LTBP4: variants seen among roughly 807,000 people sequenced by gnomAD.
LTBP4 encodes the protein latent transforming growth factor beta binding protein 4.
LTBP4 carries 93 observed loss-of-function variants against 180.2 expected under a neutral mutation model. The observed-to-expected ratio is 0.52, with a 90% CI of 0.44 to 0.61. The LOEUF is 0.61. LTBP4 is among the 20% of genes least tolerant of loss of function. LTBP4 has a pLI of 0.00. For missense variants in LTBP4, 2,116 were observed against 2,256.5 expected, an observed-to-expected ratio of 0.94 and a Z score of 1.26; for synonymous variants, 947 against 934.5, an observed-to-expected ratio of 1.01 and a Z score of -0.24.
In LTBP4 at chr19:40,625,297, TATATATATATATATATATA is replaced by T. The variant is rs1568414542; in HGVS notation, c.3833-559_3833-541del. Among the ~76,000 whole-genome samples, 37 of 20,534 alleles carry T rather than the reference TATATATATATATATATATA, an allele frequency of 1.8e-3. 5 individuals carry two copies. Among genetic ancestry groups the T allele is most frequent in the East Asian group, 0.011 (9 of 824 alleles). 13.5% of individuals were successfully genotyped at this position (20,534 alleles called of 152,430 possible). A position where few individuals can be genotyped will look rare whatever the true frequency, so the allele number is the denominator to read the frequency against. ...ATATATATATATATATATATATATA[TATATATATATATATATATA>T]TTTTTTTTTTTAAAGATGGGTTTTT... On this transcript the variant is annotated intron_variant, in intron 26 of 29. Transcript: ENST00000396819.
In LTBP4 at chr19:40,627,331, C is replaced by A. The variant is rs1362083628; in HGVS notation, c.4342C>A (p.Pro1448Thr). The change falls in exon 28 of 30, where the codon CCT (proline) becomes ACT (threonine). Residue 1448 changes from proline to threonine, a missense_variant. Physicochemically the swap from Pro to Thr is conservative, Grantham distance 38. Transcript: ENST00000396819. ...CCGCTCCTTCCCAGAGCCCGAGGAG[C>A]CTCCTGAAGGTGGAAGCTATGCTGG... is the stretch of plus-strand genomic sequence containing the variant. ...TRRSFPEPEE[P>T]PEGGSYAGSL... is the part of the protein sequence containing the mutation. The A allele has an allele frequency of 1.3e-6, 2 of 1,517,952 alleles. No individual in the cohort carries two copies. The highest frequency in any genetic ancestry group is 2.0e-5 in the Admixed American group (1 of 49,938). 94.0% of individuals were successfully genotyped at this position (1,517,952 alleles called of 1,614,324 possible).
Position 40,613,054 on chromosome 19 carries a change from AC to A in LTBP4, c.2300-5del, listed in dbSNP as rs766895958. On this transcript the variant is annotated splice_polypyrimidine_tract_variant and intron_variant, in intron 15 of 29. Transcript: ENST00000396819. This position sits in a 1 kb window ranked among gnomAD's most constrained non-coding sequence, Gnocchi z 5.0. ...GACTGGACCCTTTCTGAACACCCCC[AC>A]CCCCCACAGATGTGGACGAATGCAG... 27 of 1,608,336 alleles carry A rather than the reference AC, an allele frequency of 1.7e-5. No homozygotes were observed. In the South Asian group the frequency reaches 2.7e-4, roughly 16 times the overall value.
At chr19:40,606,097 C>T in intron 4 of LTBP4, 136 bp from the exon 5 acceptor site, 2 of 886,218 alleles carry the variant, frequency 2.3e-6, no homozygotes, top group Non-Finnish European at 3.6e-6. Flanking sequence ...GCCATTTCAA[C>T]TGCCAACCTA....
intron 21 of LTBP4, among the ~76,000 whole-genome samples, chr19:40,617,605 T>C (rs904955398): frequency 2.4e-4 from 35 of 148,774 alleles, no homozygotes; most frequent in Non-Finnish European, 1.5e-5. Flanking sequence ...GATTGTGCAA[T>C]TGCACTCCAG....
chr19:40,629,603 G>A lies in LTBP4; in HGVS notation c.*53G>A. ...GCGCCCGCCACTCGGGGCCCCTGCCGCGCATCCTGCAGCCCGCTTATGCGT... is the reference window on the plus strand; with the variant it reads ...GCGCCCGCCACTCGGGGCCCCTGCCACGCATCCTGCAGCCCGCTTATGCGT... On this transcript the variant is annotated 3_prime_UTR_variant, in exon 30 of 30. Coordinates refer to ENST00000396819, the MANE Select transcript of LTBP4 (RefSeq NM_001042545.2). This position sits in a 1 kb window ranked among gnomAD's most constrained non-coding sequence, Gnocchi z 4.5. The A allele has an allele frequency of 9.8e-6, 13 of 1,327,356 alleles. No homozygotes were observed. Among genetic ancestry groups the A allele is most frequent in the Non-Finnish European group, 1.2e-5 (12 of 1,040,730 alleles). 82.2% of individuals were successfully genotyped at this position (1,327,356 alleles called of 1,614,324 possible).
In LTBP4 at chr19:40,627,750, G is replaced by T; in HGVS notation, c.4412G>T (p.Gly1471Val). Residue 1471 changes from glycine to valine, a missense_variant, in exon 29 of 30, where the codon GGG (glycine) becomes GTG (valine). Coordinates refer to ENST00000396819, the MANE Select transcript of LTBP4 (RefSeq NM_001042545.2). ...PYEELEAEEC[G>V]ILDGCTNGRC... ...GAGGAGCTGGAGGCGGAGGAGTGCG[G>T]GATCCTGGACGGCTGCACCAACGGC... 1 of 1,596,054 alleles carries T rather than the reference G, an allele frequency of 6.3e-7. No individual in the cohort carries two copies. Among genetic ancestry groups the T allele is most frequent in the Non-Finnish European group, 8.5e-7 (1 of 1,173,154 alleles).
chr19:40,623,099 T>C, intron 24 of LTBP4, 78 bp downstream of exon 24: 1 of 1,082,270 alleles, frequency 9.2e-7, no homozygotes, highest in Non-Finnish European at 1.3e-6. Context: ...TTTGCCTCTG[T>C]CTCTCACCCT....
chr19:40,618,095 G>C (rs1260190840), intron 21 of LTBP4, among the ~76,000 whole-genome samples: 1 of 150,896 alleles, frequency 6.6e-6, no homozygotes, highest in African/African-American at 2.4e-5. Context: ...GTGGGGTCTT[G>C]CTCTGTTGCC....
Position 40,625,891 on chromosome 19 carries a change from G to C in LTBP4, c.3867G>C (p.Gly1289=). The change falls in exon 27 of 30, where the codon GGG becomes GGC. Residue 1289 remains glycine (G), a synonymous_variant. Transcript: ENST00000396819. ...TGGGAGTGTGCTGGCAGGAAGTGGG[G>C]GCTGACCTCGTGTGCAGCCACCCTC... ...DNLGVCWQEV[G]ADLVCSHPRL... 1 of 1,598,378 alleles carries C rather than the reference G, an allele frequency of 6.3e-7. No individual in the cohort carries two copies. The highest frequency in any genetic ancestry group is 1.1e-5 in the South Asian group (1 of 87,858).
chr19:40,622,728 G>A lies in LTBP4; in HGVS notation c.3484+61G>A, dbSNP rs2146044196. On this transcript the variant is annotated intron_variant, in intron 23 of 29. Transcript: ENST00000396819. The surrounding 1 kb of genome is among the most constrained non-coding windows in gnomAD (Gnocchi z 5.1). ...CTTGGGTGGAAATACTGGGTGGGGTGTGGGCCTGGGACAGGGGACACTTTT... is the reference window on the plus strand; with the variant it reads ...CTTGGGTGGAAATACTGGGTGGGGTATGGGCCTGGGACAGGGGACACTTTT... The A allele has an allele frequency of 2.0e-6, 3 of 1,530,242 alleles. No homozygotes were observed. The highest frequency in any genetic ancestry group is 1.2e-5 in the South Asian group (1 of 80,342). 94.8% of individuals were successfully genotyped at this position (1,530,242 alleles called of 1,614,324 possible).
Position 40,605,969 on chromosome 19 carries a change from C to T in LTBP4, c.793+138C>T, listed in dbSNP as rs2081458386. The T allele has an allele frequency of 6.8e-6, 7 of 1,033,464 alleles. No individual in the cohort carries two copies. The highest frequency in any genetic ancestry group is 9.7e-6 in the Non-Finnish European group (7 of 723,408). 64.0% of individuals were successfully genotyped at this position (1,033,464 alleles called of 1,614,324 possible). A position where few individuals can be genotyped will look rare whatever the true frequency, so the allele number is the denominator to read the frequency against. On this transcript the variant is annotated intron_variant, in intron 4 of 29. Transcript: ENST00000396819. The surrounding 1 kb of genome is among the most constrained non-coding windows in gnomAD (Gnocchi z 5.5). The stretch of plus-strand genomic sequence containing the variant: ...CCCATTGTGGAGGCGACTTCCAGTC[C>T]TGAGCTTTTCATACCGCTCTGGGAC...
chr19:40,610,422 G>GA, intron 11 of LTBP4, 110 bp from the exon 12 acceptor site: 1 of 1,337,224 alleles, frequency 7.5e-7, no homozygotes, highest in Non-Finnish European at 1.0e-6. Flanking sequence ...CCCCATCCTG[G>GA]CTCTGGCCCA....
chr19:40,602,084 G>A (rs1453566225), intron 1 of LTBP4, among the ~76,000 whole-genome samples: 1 of 150,768 alleles, frequency 6.6e-6, no homozygotes, highest in African/African-American at 2.5e-5. Flanking sequence ...TGTGAGGTGG[G>A]GTACTAGAGA....
At position 40,601,671 on chromosome 19, in the gene LTBP4, TC is replaced by T. The variant is rs2081425148; in HGVS notation, c.250+36del. The T allele has an allele frequency of 3.0e-6, 4 of 1,317,590 alleles. No homozygotes were observed. In the South Asian group the frequency reaches 5.8e-5, roughly 19 times the overall value. The allele number at this position is 1,317,590 out of a possible 1,614,324, so 81.6% of individuals were successfully genotyped here. On this transcript the variant is annotated intron_variant, in intron 1 of 29. Coordinates refer to ENST00000396819, the MANE Select transcript of LTBP4 (RefSeq NM_001042545.2). ...GGGGTGGTGGTCCCGAGAGAGCGGCTCCGGGGGGGAGGAGGATCCCTGGGGA... is the reference window on the plus strand; with the variant it reads ...GGGGTGGTGGTCCCGAGAGAGCGGCTCGGGGGGGAGGAGGATCCCTGGGGA...
intron 6 of LTBP4, 76 bp from the exon 7 acceptor site, chr19:40,607,289 C>T: frequency 2.5e-6 from 1 of 396,306 alleles, no homozygotes; most frequent in Admixed American, 3.2e-5. Context: ...CAGAACCATT[C>T]CCCTCTCTCC....
At position 40,609,639 on chromosome 19, in the gene LTBP4, C is replaced by A. The variant is rs2146026823; in HGVS notation, c.1536C>A (p.Ser512Arg). 1 of 1,613,230 alleles carries A rather than the reference C, an allele frequency of 6.2e-7. No individual in the cohort carries two copies. Among genetic ancestry groups the A allele is most frequent in the Non-Finnish European group, 8.5e-7 (1 of 1,179,772 alleles). Residue 512 changes from serine to arginine, a missense_variant, in exon 10 of 30, where the codon AGC becomes AGA. By Grantham distance (110) the Ser-to-Arg change is moderately radical. Around this residue, in one of 5 missense-constraint regions of LTBP4, gnomAD observed 877 missense variants for 873.6 expected, o/e 1.00. Transcript: ENST00000396819. This position sits in a 1 kb window ranked among gnomAD's most constrained non-coding sequence, Gnocchi z 4.9. ...CTTGCGACTCTGGCTTCCGGCTCAG[C>A]CCCCAGGGCACCCGATGCATTGGTG... The part of the protein sequence containing the change: ...TCACDSGFRL[S>R]PQGTRCIDVD...
rs544415055 is a variant in LTBP4, at chr19:40,622,821, G to T, written c.3485-129G>T. On this transcript the variant is annotated intron_variant, in intron 23 of 29. Coordinates refer to ENST00000396819, the MANE Select transcript of LTBP4 (RefSeq NM_001042545.2). The surrounding 1 kb of genome is among the most constrained non-coding windows in gnomAD (Gnocchi z 5.1). ...GCTGCCAGGCAGGTGGGCATGGGCA[G>T]ACATAAGGCTGAGAGGTGGGCACTA... 494 of 1,382,052 alleles carry T rather than the reference G, an allele frequency of 3.6e-4. 8 individuals carry two copies. The South Asian group carries it at 5.7e-3, about 16-fold the overall frequency. 85.6% of individuals were successfully genotyped at this position (1,382,052 alleles called of 1,614,324 possible). A position where few individuals can be genotyped will look rare whatever the true frequency, so the allele number is the denominator to read the frequency against.
Position 40,625,879 on chromosome 19 carries a change from G to A in LTBP4, c.3855G>A (p.Trp1285Ter). 6.3e-7 allele frequency: 1 copy of A among 1,594,854 alleles called. No homozygotes were observed. Among genetic ancestry groups the A allele is most frequent in the Non-Finnish European group, 8.5e-7 (1 of 1,171,664 alleles). ...QSLDDNLGVC[W>*]QEVGADLVCS... is the part of the protein sequence containing the mutation. ...CAGATGACAATCTGGGAGTGTGCTG[G>A]CAGGAAGTGGGGGCTGACCTCGTGT... The change falls in exon 27 of 30, where the codon TGG becomes TGA. Residue 1285 changes from tryptophan to a stop codon, truncating the protein, a stop_gained. Transcript: ENST00000396819. LOFTEE classifies it high-confidence loss of function.
chr19:40,598,381 A>C (rs1386144742), upstream of LTBP4: 2 of 84,260 alleles, frequency 2.4e-5, no homozygotes, highest in Admixed American at 1.4e-4. Context: ...GCACCCCCCC[A>C]CTGCTCTCCT....
Sources: gnomAD v4.1 joint callset for allele counts (sites outside exome capture counted in the v4.1 genomes callset) on GRCh38, gnomAD v4.1.1 for gene constraint, gnomAD v4.1.1 regional missense constraint, Gnocchi (gnomAD v3.1) non-coding constraint, MANE v1.5 for transcripts, NCBI Gene and HGNC (gene_info 2026-07-23, HGNC 2026-07-21) for gene names.